Variants in CRNKL1 observed in about 807,000 individuals in gnomAD.
CRNKL1 encodes the protein crooked neck pre-mRNA splicing factor 1.
Under a neutral mutation model 103.7 loss-of-function variants are expected in CRNKL1, and 35 were observed. The observed-to-expected ratio is 0.34, with a 90% CI of 0.26 to 0.45. The LOEUF (loss-of-function observed/expected upper bound fraction) is 0.45. Ranked by LOEUF, CRNKL1 falls within the 20% of genes least tolerant of loss-of-function variation. The pLI is 1.00. For missense variants in CRNKL1, 645 were observed against 836.0 expected (o/e 0.77, Z 2.82); for synonymous variants, 267 against 282.6 (o/e 0.94, Z 0.55).
upstream of CRNKL1, chr20:20,052,494 T>C: frequency 6.2e-7 from 1 of 1,614,222 alleles, no homozygotes; most frequent in Non-Finnish European, 8.5e-7. Flanking sequence ...ACCTCTCGCT[T>C]GAGCCGTGAC....
At position 20,037,200 on chromosome 20, in the gene CRNKL1, AC is replaced by A; in HGVS notation, c.1896+122del. ...AACAGCCAGATTGCAACCATCTCCT[AC>A]TCCAGGTGGTCTGCTTCCATTCTAA... On this transcript the variant is annotated intron_variant, in intron 13 of 13. Transcript: ENST00000536226. 10 of 1,151,156 alleles carry A rather than the reference AC, an allele frequency of 8.7e-6. No homozygotes were observed. The South Asian group carries it at 1.4e-4, about 16-fold the overall frequency. The allele number at this position is 1,151,156 out of a possible 1,614,324, so 71.3% of individuals were successfully genotyped here. A position where few individuals can be genotyped will look rare whatever the true frequency, so the allele number is the denominator to read the frequency against.
At position 20,050,209 on chromosome 20, in the gene CRNKL1, A is replaced by AT. The variant is rs1408083503; in HGVS notation, c.204+260dup. ...CCTCCTTCTTGTTGTCAGTTGTTCC[A>AT]TCTGCTAAACTTCCGCTCACTTTGA... On this transcript the variant is annotated intron_variant, in intron 2 of 13. Transcript: ENST00000536226. Among the ~76,000 whole-genome samples, 3 of 152,248 alleles carry AT rather than the reference A, an allele frequency of 2.0e-5. No homozygotes were observed. The East Asian group carries it at 5.8e-4, about 29-fold the overall frequency.
rs948816358 is a variant in CRNKL1, at chr20:20,041,267, G to T, written c.1224+299C>A. 5.3e-5 allele frequency among the ~76,000 whole-genome samples: 8 copies of T among 152,348 alleles called. No individual in the cohort carries two copies. The East Asian group carries it at 1.5e-3, about 29-fold the overall frequency. On this transcript the variant is annotated intron_variant, in intron 9 of 13. Transcript: ENST00000536226. Reference sequence around the variant, plus strand: ...CTCACTGTTACCAACAAACCCGCCTGTGTGTCCCCCGCACACGTTGTGTGC... The same window carrying T: ...CTCACTGTTACCAACAAACCCGCCTTTGTGTCCCCCGCACACGTTGTGTGC...
At chr20:20,039,034 G>A (rs1250937144) in intron 11 of CRNKL1, among the ~76,000 whole-genome samples, 1 of 152,178 alleles carries the variant, frequency 6.6e-6, no homozygotes, top group Non-Finnish European at 1.5e-5. Flanking sequence ...TGCAATCAGG[G>A]GGCCAAACCA....
intron 13 of CRNKL1, 112 bp from the exon 14 acceptor site, chr20:20,036,474 A>T (rs1202400117): frequency 3.1e-6 from 3 of 978,264 alleles, no homozygotes; most frequent in African/African-American, 3.3e-5. Context: ...ACAAAATAAC[A>T]TCAAAGTCTA....
In CRNKL1 at chr20:20,042,264, G is replaced by A. The variant is rs150139902; in HGVS notation, c.1164+61C>T. On this transcript the variant is annotated intron_variant, in intron 8 of 13. Transcript: ENST00000536226. ...AGAATTACAAACATCCACAATAGGT[G>A]AGCTGTGAATACAGAAGACAGGAAA... is the stretch of plus-strand genomic sequence containing the variant. 9.3e-4 allele frequency: 1,295 copies of A among 1,389,576 alleles called. 12 individuals are homozygous for A. Among genetic ancestry groups the A allele is most frequent in the South Asian group, 8.2e-3 (546 of 66,808 alleles). The allele number at this position is 1,389,576 out of a possible 1,614,324, so 86.1% of individuals were successfully genotyped here.
intron 5 of CRNKL1, among the ~76,000 whole-genome samples, chr20:20,046,055 G>A (rs2043589977): frequency 6.6e-6 from 1 of 151,912 alleles, no homozygotes; most frequent in South Asian, 2.1e-4. Context: ...AGTCAAAGCA[G>A]AAAGTTTTGA....
intron 7 of CRNKL1, among the ~76,000 whole-genome samples, chr20:20,042,806 G>A (rs528932514): frequency 6.6e-6 from 1 of 152,338 alleles, no homozygotes; most frequent in South Asian, 2.1e-4. Flanking sequence ...TCTTGCCAAT[G>A]CATTTGCTTA....
In CRNKL1 at chr20:20,042,435, C is replaced by T; in HGVS notation, c.1054G>A (p.Val352Ile). ...ACATTGGCAATGGCCCTTTCATAGACTTCTCTCACGGCTTCAGCTTCTGCG... is the reference window on the plus strand; with the variant it reads ...ACATTGGCAATGGCCCTTTCATAGATTTCTCTCACGGCTTCAGCTTCTGCG... Reference protein sequence around the residue: ...SDAEAEAVREVYERAIANVPP... With the variant: ...SDAEAEAVREIYERAIANVPP... Residue 352 changes from valine (V) to isoleucine (I), a missense_variant, in exon 8 of 14, where the codon GTC (valine) becomes ATC (isoleucine). This residue lies in a region of CRNKL1 where 582 missense variants were observed against 707.7 expected (regional missense o/e 0.82). Transcript: ENST00000536226. 6.2e-7 allele frequency: 1 copy of T among 1,614,166 alleles called. No individual in the cohort carries two copies. Among genetic ancestry groups the T allele is most frequent in the Non-Finnish European group, 8.5e-7 (1 of 1,180,022 alleles).
chr20:20,040,657 T>G, intron 10 of CRNKL1, 29 bp downstream of exon 10: 508 of 1,501,100 alleles, frequency 3.4e-4, no homozygotes, highest in Non-Finnish European at 4.4e-4. Context: ...TAGAACTTGA[T>G]GAGACATCTT....
intron 11 of CRNKL1, among the ~76,000 whole-genome samples, chr20:20,038,954 C>A (rs1038695086): frequency 2.0e-5 from 3 of 152,216 alleles, no homozygotes; most frequent in Non-Finnish European, 2.9e-5. Context: ...CACCTGAAAG[C>A]TGGCAGTCTG....
intron 1 of CRNKL1, 72 bp from the exon 2 acceptor site, chr20:20,050,694 T>G: frequency 2.2e-6 from 3 of 1,394,108 alleles, no homozygotes; most frequent in Non-Finnish European, 2.9e-6. Flanking sequence ...AAACATACAT[T>G]TTTTAGGATA....
In CRNKL1 at chr20:20,052,431, GA is replaced by G. The variant is rs1568771038; in HGVS notation, c.-90del. ...GCTCACCGAAACCACAAAGCTTTCAGAAAACAAACAGGATCTCGGAACCGGA... is the reference window on the plus strand; with the variant it reads ...GCTCACCGAAACCACAAAGCTTTCAGAAACAAACAGGATCTCGGAACCGGA... On this transcript the variant is annotated 5_prime_UTR_variant, in exon 1 of 14. Transcript: ENST00000536226. 2 of 1,614,106 alleles carry G rather than the reference GA, an allele frequency of 1.2e-6. No homozygotes were observed. The highest frequency in any genetic ancestry group is 1.3e-5 in the African/African-American group (1 of 74,938).
intron 7 of CRNKL1, 75 bp downstream of exon 7, chr20:20,043,417 T>G (rs920620528): frequency 1.6e-5 from 22 of 1,388,270 alleles, no homozygotes; most frequent in Non-Finnish European, 2.0e-5. Context: ...TTGCTATTAT[T>G]CATTTTAGTG....
chr20:20,046,086 TC>T (rs1177485808), intron 5 of CRNKL1, among the ~76,000 whole-genome samples: 1 of 152,154 alleles, frequency 6.6e-6, no homozygotes, highest in East Asian at 1.9e-4. Flanking sequence ...TAATCTATCT[TC>T]CTTGAATAAA....
chr20:20,036,146 AAAC>A lies in CRNKL1; in HGVS notation c.*46_*48del. ...AACTTCCAGGAGTCACAAGAGTTCCAAACAATTAATTTATAAAAATAACAAAAC... is the reference window on the plus strand; with the variant it reads ...AACTTCCAGGAGTCACAAGAGTTCCAAATTAATTTATAAAAATAACAAAAC... On this transcript the variant is annotated 3_prime_UTR_variant, in exon 14 of 14. Transcript: ENST00000536226. The A allele has an allele frequency of 6.3e-7, 1 of 1,582,312 alleles. No individual in the cohort carries two copies. The highest frequency in any genetic ancestry group is 2.2e-5 in the East Asian group (1 of 44,580).
At chr20:20,045,570 G>T in intron 5 of CRNKL1, 84 bp from the exon 6 acceptor site, 2 of 1,263,284 alleles carry the variant, frequency 1.6e-6, no homozygotes, top group Non-Finnish European at 2.2e-6. Flanking sequence ...CCATACCAAA[G>T]CCTGGAAACT....
rs183874807 is a variant in CRNKL1 at position 20,047,098 on chromosome 20, A to C, written c.622+667T>G. 1.5e-3 allele frequency among the ~76,000 whole-genome samples: 234 copies of C among 152,306 alleles called. 1 individual carries two copies. Among genetic ancestry groups the C allele is most frequent in the Non-Finnish European group, 2.3e-3 (157 of 68,022 alleles). On this transcript the variant is annotated intron_variant, in intron 5 of 13. Transcript: ENST00000536226. ...CTCTCTGGAGCCACACAGCTAGTAAACAGTAAACCTTGGATGAACTCCAGT... is the reference window on the plus strand; with the variant it reads ...CTCTCTGGAGCCACACAGCTAGTAACCAGTAAACCTTGGATGAACTCCAGT...
In CRNKL1 at chr20:20,039,683, T is replaced by C. The variant is rs2043480987; in HGVS notation, c.1471A>G (p.Ile491Val). 3 of 1,614,206 alleles carry C rather than the reference T, an allele frequency of 1.9e-6. No individual in the cohort carries two copies. In the South Asian group the frequency reaches 3.3e-5, roughly 18 times the overall value. Residue 491 changes from isoleucine (I) to valine (V), a missense_variant, in exon 11 of 14, where the codon ATC (isoleucine) becomes GTC (valine). Coordinates refer to ENST00000536226, the MANE Select transcript of CRNKL1 (RefSeq NM_001278628.2). ...SWIKFAELET[I>V]LGDIDRARAI... ...CGTGCTCTGTCAATATCACCAAGGA[T>C]TGTCTCTAATTCAGCGAATTTAATC... is the stretch of plus-strand genomic sequence containing the variant.
Sources: gnomAD v4.1 joint callset for allele counts (sites outside exome capture counted in the v4.1 genomes callset) on GRCh38, gnomAD v4.1.1 for gene constraint, gnomAD v4.1.1 regional missense constraint, MANE v1.5 for transcripts, NCBI Gene and HGNC (gene_info 2026-07-23, HGNC 2026-07-21) for gene names.